Variants in CTNNA3 observed in about 807,000 individuals in gnomAD.
The protein encoded by CTNNA3 is catenin alpha 3.
Under a neutral mutation model 95.7 loss-of-function variants are expected in CTNNA3, and 76 were observed. The observed-to-expected ratio is 0.79, with a 90% CI of 0.66 to 0.96. The LOEUF is 0.96. CTNNA3 is among the 40% of genes least tolerant of loss of function. The pLI, the probability that CTNNA3 is intolerant of heterozygous loss-of-function variation, is 0.00. For synonymous variants in CTNNA3, 431 were observed against 374.4 expected, an observed-to-expected ratio of 1.15 and a Z score of -1.74; for missense variants, 1,191 against 1,089.8, an observed-to-expected ratio of 1.09 and a Z score of -1.31.
At chr10:65,950,072 C>T (rs34070355) in intron 17 of CTNNA3, among the ~76,000 whole-genome samples, 1 of 151,944 alleles carries the variant, frequency 6.6e-6, no homozygotes, top group Non-Finnish European at 1.5e-5. Context: ...ATAATTATTA[C>T]TAGGAGTTAT....
chr10:66,179,997 TA>T (rs1223042115), intron 13 of CTNNA3, among the ~76,000 whole-genome samples: 3 of 152,154 alleles, frequency 2.0e-5, no homozygotes, highest in African/African-American at 4.8e-5. Context: ...TAGAAATTTA[TA>T]AAAAATTAAG....
At chr10:67,284,540 AAATTAATGTTTT>A (rs1225160124) in intron 5 of CTNNA3, among the ~76,000 whole-genome samples, 1 of 152,234 alleles carries the variant, frequency 6.6e-6, no homozygotes, top group Admixed American at 6.5e-5. Context: ...AAGTAAAAAA[AAATTAATGTTTT>A]AATAATGGCA....
chr10:66,869,274 T>G (rs1844303785), intron 7 of CTNNA3, among the ~76,000 whole-genome samples: 1 of 152,170 alleles, frequency 6.6e-6, no homozygotes, highest in Non-Finnish European at 1.5e-5. Context: ...ATGGCTGTGA[T>G]GAGACCGGAT....
chr10:67,363,029 A>G (rs1365825851), intron 5 of CTNNA3, among the ~76,000 whole-genome samples: 1 of 152,114 alleles, frequency 6.6e-6, no homozygotes, highest in African/African-American at 2.4e-5. Context: ...ACACACAAAA[A>G]TAAAAGACCT....
intron 9 of CTNNA3, among the ~76,000 whole-genome samples, chr10:66,710,824 C>T (rs1848266889): frequency 6.6e-6 from 1 of 150,930 alleles, no homozygotes; most frequent in East Asian, 1.9e-4. Context: ...AACATTGAAA[C>T]AAATCTTAAA....
intron 7 of CTNNA3, among the ~76,000 whole-genome samples, chr10:66,998,405 T>C (rs561607664): frequency 6.6e-6 from 1 of 152,240 alleles, no homozygotes; most frequent in South Asian, 2.1e-4. Context: ...AATGTAGACA[T>C]AAATCAAAAT....
At chr10:65,982,715 A>G (rs894707850) in intron 16 of CTNNA3, among the ~76,000 whole-genome samples, 5 of 150,342 alleles carry the variant, frequency 3.3e-5, no homozygotes, top group East Asian at 3.9e-4. Flanking sequence ...GTGTGTGTAT[A>G]TATATATATT....
chr10:67,326,839 C>G (rs943489424), intron 5 of CTNNA3, among the ~76,000 whole-genome samples: 2 of 152,112 alleles, frequency 1.3e-5, no homozygotes, highest in Non-Finnish European at 2.9e-5. Context: ...TCCATTTTCC[C>G]CATCTCTTTC....
intron 14 of CTNNA3, among the ~76,000 whole-genome samples, chr10:66,072,405 G>A (rs2080458035): frequency 6.6e-6 from 1 of 151,844 alleles, no homozygotes; most frequent in African/African-American, 2.4e-5. Flanking sequence ...TGTAACTCCT[G>A]AAAGTGCTGA....
At chr10:67,415,787 A>T (rs1369824768) in intron 5 of CTNNA3, among the ~76,000 whole-genome samples, 1 of 152,204 alleles carries the variant, frequency 6.6e-6, no homozygotes, top group Non-Finnish European at 1.5e-5. Flanking sequence ...TGGTATTGGT[A>T]CAAAAATAGA....
intron 12 of CTNNA3, among the ~76,000 whole-genome samples, chr10:66,285,048 A>G (rs952626709): frequency 1.3e-5 from 2 of 151,880 alleles, no homozygotes; most frequent in Non-Finnish European, 2.9e-5. Flanking sequence ...TATCATACAA[A>G]TCAATGACTA....
chr10:66,599,618 TTTC>T (rs1843847828), intron 10 of CTNNA3, among the ~76,000 whole-genome samples: 1 of 151,928 alleles, frequency 6.6e-6, no homozygotes, highest in South Asian at 2.1e-4. Context: ...GTGTTTTTCT[TTTC>T]TTCTTCTACT....
At chr10:66,325,096 C>A (rs1266996504) in intron 12 of CTNNA3, among the ~76,000 whole-genome samples, 1 of 151,834 alleles carries the variant, frequency 6.6e-6, no homozygotes, top group Admixed American at 6.6e-5. Flanking sequence ...CCACAGAAAT[C>A]CCCATGAGTC....
At chr10:67,333,602 T>C (rs1213145978) in intron 5 of CTNNA3, among the ~76,000 whole-genome samples, 2 of 152,110 alleles carry the variant, frequency 1.3e-5, no homozygotes, top group Non-Finnish European at 1.5e-5. Flanking sequence ...GATTAGAAAA[T>C]TGAATAAGGC....
chr10:66,954,975 A>G (rs933794094), intron 7 of CTNNA3, among the ~76,000 whole-genome samples: 2 of 152,226 alleles, frequency 1.3e-5, no homozygotes, highest in African/African-American at 4.8e-5. Context: ...TAGGAAAAGT[A>G]CCAAGATACT....
chr10:67,140,782 G>C (rs989495495), intron 7 of CTNNA3, among the ~76,000 whole-genome samples: 1 of 152,178 alleles, frequency 6.6e-6, no homozygotes, highest in Non-Finnish European at 1.5e-5. Context: ...CGTGAAGGGG[G>C]AAATACCAGT....
chr10:66,306,001 A>G (rs975238504), intron 12 of CTNNA3, among the ~76,000 whole-genome samples: 1 of 152,174 alleles, frequency 6.6e-6, no homozygotes, highest in Admixed American at 6.6e-5. Context: ...AACTAAATGT[A>G]TTTTGCAAAT....
intron 2 of CTNNA3, among the ~76,000 whole-genome samples, chr10:67,632,354 T>C (rs1839172534): frequency 6.6e-6 from 1 of 150,828 alleles, no homozygotes; most frequent in African/African-American, 2.4e-5. Flanking sequence ...CTGGGGTAGA[T>C]GGCGGCGGCT....
At chr10:66,727,776 G>C (rs2394301) in intron 9 of CTNNA3, among the ~76,000 whole-genome samples, 58,959 of 151,898 alleles carry the variant, frequency 0.39, 11,882 homozygotes, top group Non-Finnish European at 0.43. Context: ...AATAATTTGT[G>C]AAACCAATAG....
Sources: allele counts gnomAD v4.1 joint callset (sites outside exome capture counted in the v4.1 genomes callset), GRCh38; gene constraint gnomAD v4.1.1; transcripts MANE v1.5; gene names NCBI Gene and HGNC (gene_info 2026-07-23, HGNC 2026-07-21).